NOTCH3: variants seen among roughly 807,000 people sequenced by gnomAD.
The protein encoded by NOTCH3 is notch receptor 3, also known as neurogenic locus notch homolog protein 3.
Under a neutral mutation model 213.3 loss-of-function variants are expected in NOTCH3, and 86 were observed. That is an observed-to-expected ratio of 0.40 (90% CI 0.34 to 0.48). NOTCH3 has a LOEUF of 0.48. Ranked by LOEUF, NOTCH3 falls within the 20% of genes least tolerant of loss-of-function variation. The pLI is 0.57. For missense variants in NOTCH3, 2,783 were observed against 3,272.6 expected (o/e 0.85, Z 3.65); for synonymous variants, 1,354 against 1,355.9 (o/e 1.00, Z 0.03).
intron 6 of NOTCH3, among the ~76,000 whole-genome samples, chr19:15,189,921 A>C (rs189060640): frequency 8.6e-4 from 131 of 152,292 alleles, no homozygotes; most frequent in African/African-American, 3.0e-3. Context: ...TCATATACCC[A>C]CCACCTAGAT....
intron 2 of NOTCH3, among the ~76,000 whole-genome samples, chr19:15,195,390 G>T (rs1463327431): frequency 1.3e-5 from 2 of 152,104 alleles, no homozygotes; most frequent in East Asian, 3.9e-4. Flanking sequence ...GGCACTAGCG[G>T]GGTCAGAGGG....
intron 25 of NOTCH3, among the ~76,000 whole-genome samples, chr19:15,172,123 C>T (rs1232986491): frequency 3.3e-5 from 5 of 152,132 alleles, no homozygotes; most frequent in African/African-American, 7.2e-5. Context: ...CTTGAACTCC[C>T]GACCTCAGGT....
chr19:15,173,281 G>A (rs1179201210), intron 25 of NOTCH3, among the ~76,000 whole-genome samples: 1 of 150,134 alleles, frequency 6.7e-6, no homozygotes, highest in Non-Finnish European at 1.5e-5. Context: ...AATTAGCCAG[G>A]CATGGTGGCG....
In NOTCH3 at chr19:15,161,147, CCAGGCT is replaced by C. The variant is rs1240691338; in HGVS notation, c.6475_6480del (p.Ser2159_Leu2160del). The C allele has an allele frequency of 6.5e-7, 1 of 1,539,300 alleles. No individual in the cohort carries two copies. Among genetic ancestry groups the C allele is most frequent in the Non-Finnish European group, 8.7e-7 (1 of 1,148,622 alleles). On this transcript the variant is annotated inframe_deletion, in exon 33 of 33. Transcript: ENST00000263388. ...GGCACAGCCACAGGGTTCAGCAGGC[CCAGGCT>C]GAGTACACATCCTCCAGGGGGCTGG... is the stretch of plus-strand genomic sequence containing the variant.
At chr19:15,192,682 C>T (rs778891453) in intron 2 of NOTCH3, among the ~76,000 whole-genome samples, 163 bp from the exon 3 acceptor site, 13 of 152,234 alleles carry the variant, frequency 8.5e-5, no homozygotes, top group East Asian at 1.9e-4. Context: ...TGGGAGGCTG[C>T]GGCGGGCAGA....
intron 10 of NOTCH3, 78 bp downstream of exon 10, chr19:15,187,803 C>G: frequency 8.2e-7 from 1 of 1,217,576 alleles, no homozygotes; most frequent in Non-Finnish European, 1.2e-6. Flanking sequence ...CCCAAGCTCT[C>G]CCCAAGTCTG....
Position 15,179,884 on chromosome 19 carries a change from AAAAC to A in NOTCH3, c.3327+184_3327+187del, listed in dbSNP as rs948266107. On this transcript the variant is annotated intron_variant, in intron 20 of 32. Transcript: ENST00000263388. ...TGACAGAGTGAGAACCTGTCTCAAA[AAAAC>A]AAACAAATAAAAAAACACCCCAGAT... 2.2e-4 allele frequency among the ~76,000 whole-genome samples: 34 copies of A among 152,110 alleles called. 1 individual carries two copies. In the South Asian group the frequency reaches 3.5e-3, roughly 16 times the overall value.
At chr19:15,164,814 G>A (rs2046672576) in intron 31 of NOTCH3, among the ~76,000 whole-genome samples, 1 of 151,014 alleles carries the variant, frequency 6.6e-6, no homozygotes, top group African/African-American at 2.4e-5. Flanking sequence ...TTTTGAGATG[G>A]AGTCTGTCCC....
At chr19:15,197,734 G>GC (rs5827279) in intron 1 of NOTCH3, among the ~76,000 whole-genome samples, 156 bp from the exon 2 acceptor site, 8 of 41,028 alleles carry the variant, frequency 1.9e-4, no homozygotes, top group African/African-American at 3.3e-4. Context: ...CAGTTCCCAC[G>GC]CCCCCCCCCC....
At chr19:15,199,236 C>T (rs1475476682) in intron 1 of NOTCH3, among the ~76,000 whole-genome samples, 1 of 152,124 alleles carries the variant, frequency 6.6e-6, no homozygotes, top group Non-Finnish European at 1.5e-5. Context: ...TCTATCTGTA[C>T]ATGCATGTCA....
rs1409708568 is a variant in NOTCH3, at chr19:15,161,552, G to C, written c.6076C>G (p.Gln2026Glu). 1 of 1,607,832 alleles carries C rather than the reference G, an allele frequency of 6.2e-7. No homozygotes were observed. Among genetic ancestry groups the C allele is most frequent in the Admixed American group, 1.7e-5 (1 of 59,116 alleles). The change falls in exon 33 of 33, where the codon CAA (glutamine) becomes GAA (glutamate). Residue 2026 changes from glutamine to glutamate, a missense_variant. Gln to Glu is a conservative substitution (Grantham distance 29, BLOSUM62 2). Transcript: ENST00000263388. ...GGGGGGCTGCGGGGCCCACTGGGTT[G>C]ATCCAGCAAGCGCACGATGTCCTGG... Reference protein sequence around the residue: ...LHQDIVRLLDQPSGPRSPPGP... With the variant: ...LHQDIVRLLDEPSGPRSPPGP...
At position 15,165,954 on chromosome 19, in the gene NOTCH3, G is replaced by T; in HGVS notation, c.5500C>A (p.Arg1834=). Residue 1834 remains arginine, a synonymous_variant, in exon 30 of 33, where the codon CGG becomes AGG. Transcript: ENST00000263388. The surrounding 1 kb of genome is among the most constrained non-coding windows in gnomAD (Gnocchi z 4.7). ...LICQGAQLGA[R]TDRTGETALH... Reference sequence around the variant, plus strand: ...GCAGTCTCGCCAGTACGGTCAGTCCGTGCCCCAAGCTGAGCCCCCTGGCAG... The same window carrying T: ...GCAGTCTCGCCAGTACGGTCAGTCCTTGCCCCAAGCTGAGCCCCCTGGCAG... 1 of 1,614,180 alleles carries T rather than the reference G, an allele frequency of 6.2e-7. No individual in the cohort carries two copies. The highest frequency in any genetic ancestry group is 1.3e-5 in the African/African-American group (1 of 75,050).
At chr19:15,186,395 G>C (rs1225524241) in intron 12 of NOTCH3, among the ~76,000 whole-genome samples, 2 of 149,526 alleles carry the variant, frequency 1.3e-5, no homozygotes, top group Non-Finnish European at 3.0e-5. Context: ...GTGTGTGTGT[G>C]TGTGTGTGTG....
chr19:15,168,040 T>G (rs934954870), intron 28 of NOTCH3, among the ~76,000 whole-genome samples: 3 of 152,100 alleles, frequency 2.0e-5, no homozygotes, highest in Non-Finnish European at 2.9e-5. Context: ...TGGGCTCAAA[T>G]GATCCTCCCA....
At chr19:15,181,254 TC>T in intron 17 of NOTCH3, 92 bp from the exon 18 acceptor site, 2 of 1,169,476 alleles carry the variant, frequency 1.7e-6, no homozygotes, top group Non-Finnish European at 2.5e-6. Context: ...GCTGGGGACG[TC>T]CCACTCCCTG....
chr19:15,199,505 C>T (rs2046994550), intron 1 of NOTCH3, among the ~76,000 whole-genome samples: 1 of 152,128 alleles, frequency 6.6e-6, no homozygotes, highest in Admixed American at 6.6e-5. Flanking sequence ...TGAGTGTGTG[C>T]AGGCAGCGTG....
At chr19:15,190,326 T>C (rs2046917628) in intron 6 of NOTCH3, among the ~76,000 whole-genome samples, 1 of 152,214 alleles carries the variant, frequency 6.6e-6, no homozygotes, top group Admixed American at 6.5e-5. Context: ...TAAAACCTTT[T>C]GACTCTTCTG....
At position 15,181,152 on chromosome 19, in the gene NOTCH3, T is replaced by G; in HGVS notation, c.2803A>C (p.Asn935His). ...LPDCSPSSCFNGGTCVDGVNS... is the reference protein window; with the variant it reads ...LPDCSPSSCFHGGTCVDGVNS... ...ACGCCGTCCACACAGGTCCCGCCAT[T>G]GAAGCAGGAGCTGGAGCGGAAGGAG... The change falls in exon 18 of 33, where the codon AAT becomes CAT. Residue 935 changes from asparagine to histidine, a missense_variant. Asn to His is a moderately conservative substitution (Grantham distance 68, BLOSUM62 1). Coordinates refer to ENST00000263388, the MANE Select transcript of NOTCH3 (RefSeq NM_000435.3). The G allele has an allele frequency of 5.0e-6, 8 of 1,611,374 alleles. No individual in the cohort carries two copies. The highest frequency in any genetic ancestry group is 6.8e-6 in the Non-Finnish European group (8 of 1,179,308).
intron 16 of NOTCH3, 97 bp downstream of exon 16, chr19:15,184,198 T>C: frequency 8.1e-7 from 1 of 1,239,618 alleles, no homozygotes; most frequent in African/African-American, 1.5e-5. Context: ...GTAAGATAAC[T>C]GTGAAGATGA....
Sources: gnomAD v4.1 joint callset for allele counts (sites outside exome capture counted in the v4.1 genomes callset) on GRCh38, gnomAD v4.1.1 for gene constraint, Gnocchi (gnomAD v3.1) non-coding constraint, MANE v1.5 for transcripts, NCBI Gene and HGNC (gene_info 2026-07-23, HGNC 2026-07-21) for gene names.